SGCE: variants seen among roughly 807,000 people sequenced by gnomAD.
SGCE encodes the protein sarcoglycan epsilon.
In SGCE, 26 loss-of-function variants were observed where a neutral mutation model predicts 57.8. That is an observed-to-expected ratio of 0.45 (90% confidence interval 0.33 to 0.62). The LOEUF (loss-of-function observed/expected upper bound fraction) is 0.62. Ranked by LOEUF, SGCE falls within the 20% of genes least tolerant of loss-of-function variation. SGCE has a pLI of 0.02. For missense variants in SGCE, 468 were observed against 548.6 expected (o/e 0.85, Z 1.47); for synonymous variants, 183 against 189.5 (o/e 0.97, Z 0.28).
chr7:94,628,429 C>A, intron 2 of SGCE, 70 bp from the exon 3 acceptor site: 1 of 1,333,822 alleles, frequency 7.5e-7, no homozygotes, highest in Non-Finnish European at 1.1e-6. Flanking sequence ...TAGTTTCAAT[C>A]AAAACATTCT....
At chr7:94,613,633 G>C (rs1006384022) in intron 5 of SGCE, among the ~76,000 whole-genome samples, 9 of 152,108 alleles carry the variant, frequency 5.9e-5, no homozygotes, top group African/African-American at 2.2e-4. Context: ...CATTTATAAT[G>C]TGAAGAAACA....
At position 94,634,138 on chromosome 7, in the gene SGCE, A is replaced by G. The variant is rs1040381617; in HGVS notation, c.110-4297T>C. 1.2e-4 allele frequency among the ~76,000 whole-genome samples: 18 copies of G among 152,126 alleles called. 1 individual carries two copies. Among genetic ancestry groups the G allele is most frequent in the Non-Finnish European group, 7.4e-5 (5 of 68,010 alleles). On this transcript the variant is annotated intron_variant, in intron 1 of 10. Coordinates refer to ENST00000648936, the MANE Select transcript of SGCE (RefSeq NM_003919.3). ...CAGTATGTTTAGGTCTCTCTTATAG[A>G]TGCTTTATTAATAAACTAATCACTT...
intron 5 of SGCE, among the ~76,000 whole-genome samples, chr7:94,615,447 A>G (rs1325657381): frequency 1.3e-5 from 2 of 152,290 alleles, no homozygotes; most frequent in East Asian, 3.9e-4. Flanking sequence ...GTAAGTTACC[A>G]TAGATAGAGA....
rs117545181 is a variant in SGCE, at chr7:94,653,365, C to T, written c.109+2625G>A. ...TAAAAATAGATAAAATGTCTAAATACGAAGCCCAGTTATTATTTGATAAAA... is the reference window on the plus strand; with the variant it reads ...TAAAAATAGATAAAATGTCTAAATATGAAGCCCAGTTATTATTTGATAAAA... On this transcript the variant is annotated intron_variant, in intron 1 of 10. Transcript: ENST00000648936. Among the ~76,000 whole-genome samples the T allele has an allele frequency of 5.5e-3, 830 of 152,098 alleles. 4 individuals carry two copies. Among genetic ancestry groups the T allele is most frequent in the Non-Finnish European group, 8.6e-3 (583 of 67,904 alleles).
At chr7:94,638,589 G>T (rs1279551937) in intron 1 of SGCE, among the ~76,000 whole-genome samples, 1 of 151,008 alleles carries the variant, frequency 6.6e-6, no homozygotes, top group Non-Finnish European at 1.5e-5. Context: ...CTATTCTGCT[G>T]AGGTTCATGA....
At chr7:94,601,471 A>T (rs1217400419) in intron 6 of SGCE, among the ~76,000 whole-genome samples, 3 of 148,588 alleles carry the variant, frequency 2.0e-5, no homozygotes, top group African/African-American at 7.5e-5. Context: ...AAAAAAAAAA[A>T]AAAAACTACA....
intron 4 of SGCE, chr7:94,621,312 G>C (rs913186522): frequency 1.3e-5 from 2 of 152,198 alleles, no homozygotes; most frequent in African/African-American, 4.8e-5. Context: ...TACACAAAAA[G>C]CAGAGGAACA....
intron 1 of SGCE, among the ~76,000 whole-genome samples, chr7:94,649,176 C>T (rs559337665): frequency 2.3e-4 from 35 of 152,278 alleles, no homozygotes; most frequent in Admixed American, 6.5e-4. Flanking sequence ...GCTAAACATG[C>T]GTGGTTTTTA....
At chr7:94,598,476 T>C in intron 9 of SGCE, 1 of 332,378 alleles carries the variant, frequency 3.0e-6, no homozygotes, top group Non-Finnish European at 5.6e-6. Flanking sequence ...TTCTTTTTTT[T>C]ATAATTAACT....
intron 5 of SGCE, among the ~76,000 whole-genome samples, chr7:94,613,694 A>G (rs900791818): frequency 1.3e-5 from 2 of 152,224 alleles, no homozygotes; most frequent in African/African-American, 4.8e-5. Context: ...AGCAATAGCC[A>G]AATATATGGA....
chr7:94,623,478 A>C (rs1373404108), intron 3 of SGCE, 81 bp from the exon 4 acceptor site: 4 of 891,252 alleles, frequency 4.5e-6, no homozygotes, highest in Non-Finnish European at 7.3e-6. Context: ...AATGAAAACA[A>C]ATTGTCATTC....
Position 94,599,727 on chromosome 7 carries a change from GAAACA to G in SGCE, c.1038-9_1038-5del. 2.5e-6 allele frequency: 4 copies of G among 1,586,726 alleles called. No individual in the cohort carries two copies. The South Asian group carries it at 4.4e-5, about 18-fold the overall frequency. On this transcript the variant is annotated splice_polypyrimidine_tract_variant and splice_region_variant and intron_variant, in intron 7 of 10. Coordinates refer to ENST00000648936, the MANE Select transcript of SGCE (RefSeq NM_003919.3). ...TGTTTGCATGTTTCTCTTTTCCCTAGAAACAAAACAAAATTTATGAATTAAATAAT... is the reference window on the plus strand; with the variant it reads ...TGTTTGCATGTTTCTCTTTTCCCTAGAAACAAAATTTATGAATTAAATAAT...
chr7:94,625,545 G>T (rs969127373), intron 3 of SGCE: 1 of 151,922 alleles, frequency 6.6e-6, no homozygotes, highest in Non-Finnish European at 1.5e-5. Flanking sequence ...GGTGTTTAAC[G>T]ATCCATTCAT....
At chr7:94,620,103 C>A (rs1346952079) in intron 4 of SGCE, 2 of 152,068 alleles carry the variant, frequency 1.3e-5, no homozygotes, top group African/African-American at 2.4e-5. Context: ...CAATAAAATT[C>A]ATGTATCTGT....
chr7:94,652,229 T>C (rs990466481), intron 1 of SGCE, among the ~76,000 whole-genome samples: 9 of 152,158 alleles, frequency 5.9e-5, no homozygotes, highest in Non-Finnish European at 1.3e-4. Flanking sequence ...TCAATTCCCC[T>C]AGAGTCATTT....
At chr7:94,616,056 C>T (rs1452509082) in intron 5 of SGCE, among the ~76,000 whole-genome samples, 1 of 152,092 alleles carries the variant, frequency 6.6e-6, no homozygotes, top group Non-Finnish European at 1.5e-5. Context: ...TAATCACTTT[C>T]TGTTTGATTT....
intron 10 of SGCE, 80 bp downstream of exon 10, chr7:94,588,609 A>G (rs1289193403): frequency 6.4e-7 from 1 of 1,554,616 alleles, no homozygotes. Context: ...ATAAAGCTTC[A>G]TAAATTATAT....
At chr7:94,621,476 C>T (rs1802772079) in intron 4 of SGCE, 1 of 152,180 alleles carries the variant, frequency 6.6e-6, no homozygotes, top group Admixed American at 6.5e-5. Context: ...ATCTACTTGA[C>T]CACAGGTCCT....
At chr7:94,647,996 G>T (rs998535420) in intron 1 of SGCE, among the ~76,000 whole-genome samples, 14 of 152,082 alleles carry the variant, frequency 9.2e-5, no homozygotes, top group Admixed American at 7.9e-4. Flanking sequence ...AGTGTAAAAA[G>T]TTCCACGATA....
Sources: gnomAD v4.1 joint callset for allele counts (sites outside exome capture counted in the v4.1 genomes callset) on GRCh38, gnomAD v4.1.1 for gene constraint, MANE v1.5 for transcripts, NCBI Gene and HGNC (gene_info 2026-07-23, HGNC 2026-07-21) for gene names.